The following TLE1 variants were observed in gnomAD, a reference collection of about 807,000 sequenced individuals.
TLE1 encodes the protein transducin-like enhancer protein 1.
TLE1 carries 21 observed loss-of-function variants against 89.8 expected under a neutral mutation model. The ratio of observed to expected loss-of-function variants is 0.23; its 90% CI spans 0.17 to 0.34. The LOEUF is 0.34. Among genes scored for constraint, TLE1 ranks in the 10% least tolerant of loss-of-function variants. The pLI is 1.00. For synonymous variants in TLE1, 447 were observed against 407.6 expected (o/e 1.10, Z -1.16); for missense variants, 795 against 1,031.2 (o/e 0.77, Z 3.14).
rs2132872361 is a variant in TLE1 at position 81,667,288 on chromosome 9, C to T, written c.235-13252G>A. ...GGTGCACACCTGTAATCCAGCTACT[C>T]AGAAGGCTGAGGTACAAGAATCGCT... On this transcript the variant is annotated intron_variant, in intron 4 of 19. Coordinates refer to ENST00000376499, the MANE Select transcript of TLE1 (RefSeq NM_005077.5). Among the ~76,000 whole-genome samples, 3 of 148,912 alleles carry T rather than the reference C, an allele frequency of 2.0e-5. No homozygotes were observed. The East Asian group carries it at 6.0e-4, about 30-fold the overall frequency.
chr9:81,662,627 G>A (rs569330052), intron 4 of TLE1, among the ~76,000 whole-genome samples: 1 of 151,712 alleles, frequency 6.6e-6, no homozygotes, highest in East Asian at 2.0e-4. Flanking sequence ...GAACCCATGA[G>A]GCAGAGGTTG....
intron 1 of TLE1, 67 bp downstream of exon 1, chr9:81,688,150 C>G: frequency 6.3e-7 from 1 of 1,589,218 alleles, no homozygotes; most frequent in Admixed American, 1.7e-5. Flanking sequence ...CACCAGTCTC[C>G]CTACCGCCCG....
chr9:81,594,285 G>A (rs111911478), intron 14 of TLE1, among the ~76,000 whole-genome samples: 28 of 152,166 alleles, frequency 1.8e-4, no homozygotes, highest in African/African-American at 6.0e-4. Context: ...CAACCCAAAT[G>A]CCCATCAATG....
chr9:81,616,245 G>A, intron 10 of TLE1, 111 bp from the exon 11 acceptor site: 1 of 1,391,748 alleles, frequency 7.2e-7, no homozygotes, highest in Non-Finnish European at 9.8e-7. Flanking sequence ...CCTTCGGGTT[G>A]GGGTTGTACA....
At chr9:81,660,396 T>C (rs988890477) in intron 4 of TLE1, among the ~76,000 whole-genome samples, 6 of 151,436 alleles carry the variant, frequency 4.0e-5, no homozygotes, top group Non-Finnish European at 5.9e-5. Context: ...TGTACATGTA[T>C]GGTTTTATTT....
chr9:81,602,472 A>G (rs1338709296), intron 14 of TLE1, among the ~76,000 whole-genome samples: 1 of 152,154 alleles, frequency 6.6e-6, no homozygotes, highest in African/African-American at 2.4e-5. Flanking sequence ...TACAGACCTT[A>G]TGCACTTAGC....
chr9:81,686,308 A>T (rs2133186732), intron 2 of TLE1, among the ~76,000 whole-genome samples: 1 of 152,304 alleles, frequency 6.6e-6, no homozygotes. Flanking sequence ...TAGGTTTGAA[A>T]ATCCTATCTG....
At chr9:81,655,018 C>CA (rs1829993129) in intron 4 of TLE1, among the ~76,000 whole-genome samples, 2 of 152,128 alleles carry the variant, frequency 1.3e-5, no homozygotes, top group African/African-American at 4.8e-5. Flanking sequence ...GCCCAGGGGT[C>CA]AGCTGAACAT....
chr9:81,585,146 G>A (rs923899085), intron 18 of TLE1, among the ~76,000 whole-genome samples: 1 of 152,034 alleles, frequency 6.6e-6, no homozygotes, highest in African/African-American at 2.4e-5. Context: ...TCTAACCCTG[G>A]ATTCCTCATC....
At chr9:81,627,428 G>A (rs778909906) in intron 8 of TLE1, among the ~76,000 whole-genome samples, 2 of 151,794 alleles carry the variant, frequency 1.3e-5, no homozygotes, top group African/African-American at 2.4e-5. Flanking sequence ...CTGACTTATT[G>A]CATCCACAGT....
At chr9:81,589,091 C>T (rs1019455425) in intron 16 of TLE1, among the ~76,000 whole-genome samples, 2 of 152,168 alleles carry the variant, frequency 1.3e-5, no homozygotes, top group Non-Finnish European at 2.9e-5. Context: ...CCAATGTTTC[C>T]GCTTGCTTCC....
At chr9:81,586,637 T>C (rs1465017771) in intron 17 of TLE1, among the ~76,000 whole-genome samples, 1 of 152,178 alleles carries the variant, frequency 6.6e-6, no homozygotes, top group East Asian at 1.9e-4. Flanking sequence ...TAATCCAGTG[T>C]CTGGGGGTGG....
chr9:81,653,704 A>C (rs1184519268), intron 5 of TLE1, among the ~76,000 whole-genome samples: 1 of 152,188 alleles, frequency 6.6e-6, no homozygotes, highest in Non-Finnish European at 1.5e-5. Context: ...TCTCAAGCTT[A>C]TGCTACTTAA....
At chr9:81,681,442 G>C (rs7024675) in intron 4 of TLE1, among the ~76,000 whole-genome samples, 40,009 of 151,664 alleles carry the variant, frequency 0.26, 5,348 homozygotes, top group African/African-American at 0.29. Flanking sequence ...CCCAACTACT[G>C]AGGAGGCTGA....
At position 81,610,162 on chromosome 9, in the gene TLE1, A is replaced by G. The variant is rs942435479; in HGVS notation, c.1331+58T>C. The G allele has an allele frequency of 2.7e-6, 4 of 1,455,482 alleles. No individual in the cohort carries two copies. In the Admixed American group the frequency reaches 5.3e-5, roughly 19 times the overall value. 90.2% of individuals were successfully genotyped at this position (1,455,482 alleles called of 1,614,324 possible). On this transcript the variant is annotated intron_variant, in intron 14 of 19. Transcript: ENST00000376499. ...ACTCCCTTTGGAATTCTAGTCTGCT[A>G]ATACCAATGACTGAGTAACCACCTT...
At chr9:81,655,380 G>C (rs902969735) in intron 4 of TLE1, among the ~76,000 whole-genome samples, 2 of 151,876 alleles carry the variant, frequency 1.3e-5, no homozygotes, top group African/African-American at 4.8e-5. Flanking sequence ...AAAAAATAAA[G>C]AAGGCTGGAA....
chr9:81,630,993 G>A (rs1458639488), intron 8 of TLE1, among the ~76,000 whole-genome samples: 1 of 152,110 alleles, frequency 6.6e-6, no homozygotes, highest in African/African-American at 2.4e-5. Context: ...ACAGTTTTCT[G>A]CAGTAATTAG....
At chr9:81,628,407 G>C (rs1282887031) in intron 8 of TLE1, among the ~76,000 whole-genome samples, 1 of 152,178 alleles carries the variant, frequency 6.6e-6, no homozygotes, top group Non-Finnish European at 1.5e-5. Context: ...GGTTCCCATA[G>C]GCCTCCGGGA....
chr9:81,666,782 A>C (rs1226913550), intron 4 of TLE1, among the ~76,000 whole-genome samples: 1 of 126,284 alleles, frequency 7.9e-6, no homozygotes, highest in African/African-American at 2.6e-5. Flanking sequence ...TCACAAAATA[A>C]ATAAATAAAT....
Sources: gnomAD v4.1 joint callset for allele counts (sites outside exome capture counted in the v4.1 genomes callset) on GRCh38, gnomAD v4.1.1 for gene constraint, MANE v1.5 for transcripts, NCBI Gene and HGNC (gene_info 2026-07-23, HGNC 2026-07-21) for gene names.